The following ASS1 variants were observed in gnomAD, a reference collection of about 807,000 sequenced individuals.
The protein encoded by ASS1 is argininosuccinate synthase.
A neutral mutation model predicts 60.5 loss-of-function variants in ASS1; 58 were observed. That is an observed-to-expected ratio of 0.96 (90% confidence interval 0.78 to 1.19). The LOEUF is 1.19. Ranked by LOEUF, ASS1 falls within the 50% of genes most tolerant of loss-of-function variation. The probability of loss-of-function intolerance (pLI) is 0.00; values close to 1 mark genes in which losing one functional copy is unlikely to be tolerated. For synonymous variants in ASS1, 200 were observed against 206.9 expected (o/e 0.97, Z 0.29); for missense variants, 454 against 547.3 (o/e 0.83, Z 1.70).
chr9:130,462,733 C>T (rs1280934436), intron 4 of ASS1, among the ~76,000 whole-genome samples: 1 of 152,172 alleles, frequency 6.6e-6, no homozygotes, highest in Admixed American at 6.5e-5. Flanking sequence ...TGGGGGTCAG[C>T]AGGCAAATGT....
chr9:130,483,782 T>TTCCTCCTCCCTCTCTCCCTC, intron 11 of ASS1, among the ~76,000 whole-genome samples: 1 of 150,894 alleles, frequency 6.6e-6, no homozygotes, highest in Non-Finnish European at 1.5e-5. Context: ...CTCTCTCCCT[T>TTCCTCCTCCCTCTCTCCCTC]TCCTCCTCCC....
At chr9:130,500,345 G>A (rs1055004814) in intron 14 of ASS1, among the ~76,000 whole-genome samples, 7 of 152,322 alleles carry the variant, frequency 4.6e-5, no homozygotes, top group Admixed American at 4.6e-4. Context: ...GAGTGGTTAA[G>A]TAACTTTCCA....
In ASS1 at chr9:130,480,465, C is replaced by A; in HGVS notation, c.838+16C>A. ...AAGTCCCGAGGTGAGTCTGCTCAGC[C>A]TCCCTCAGGGCCTGCCTCGGGACCC... is the stretch of plus-strand genomic sequence containing the variant. On this transcript the variant is annotated intron_variant, in intron 11 of 14. Coordinates refer to ENST00000352480, the MANE Select transcript of ASS1 (RefSeq NM_054012.4). The A allele has an allele frequency of 6.2e-7, 1 of 1,613,632 alleles. No homozygotes were observed. The highest frequency in any genetic ancestry group is 8.5e-7 in the Non-Finnish European group (1 of 1,179,852).
At chr9:130,481,536 A>G (rs1846176057) in intron 11 of ASS1, among the ~76,000 whole-genome samples, 1 of 152,222 alleles carries the variant, frequency 6.6e-6, no homozygotes, top group Non-Finnish European at 1.5e-5. Context: ...CATGTGGGCC[A>G]GAAGAAAAGG....
rs1846682823 is a variant in ASS1, at chr9:130,499,420, T to TG, written c.1128-81dup. On this transcript the variant is annotated intron_variant, in intron 13 of 14. Coordinates refer to ENST00000352480, the MANE Select transcript of ASS1 (RefSeq NM_054012.4). ...GGGAAATGCCCTGGCATCTGGGAGG[T>TG]GGGGCTGCTTCTGGCCCCAGCAGTC... The TG allele has an allele frequency of 2.1e-6, 3 of 1,397,938 alleles. No individual in the cohort carries two copies. The Admixed American group carries it at 5.6e-5, about 26-fold the overall frequency. The allele number at this position is 1,397,938 out of a possible 1,614,324, so 86.6% of individuals were successfully genotyped here. A position where few individuals can be genotyped will look rare whatever the true frequency, so the allele number is the denominator to read the frequency against.
At chr9:130,451,672 A>T (rs1404569305) in intron 1 of ASS1, 1 of 366,508 alleles carries the variant, frequency 2.7e-6, no homozygotes, top group East Asian at 7.3e-5. Context: ...CCTGCCACTG[A>T]CCTCTCTGAG....
intron 4 of ASS1, among the ~76,000 whole-genome samples, chr9:130,462,748 G>C (rs1276470070): frequency 6.6e-6 from 1 of 152,102 alleles, no homozygotes; most frequent in Non-Finnish European, 1.5e-5. Flanking sequence ...AAATGTGGCC[G>C]CCCCCACCTC....
intron 2 of ASS1, 134 bp from the exon 3 acceptor site, chr9:130,454,171 T>A: frequency 1.1e-6 from 1 of 910,230 alleles, no homozygotes; most frequent in Non-Finnish European, 1.8e-6. Flanking sequence ...TTGTCCTTTT[T>A]CCTTCTTACT....
chr9:130,463,228 TC>T (rs1311042274), intron 4 of ASS1, among the ~76,000 whole-genome samples: 4 of 152,254 alleles, frequency 2.6e-5, no homozygotes, highest in Non-Finnish European at 5.9e-5. Context: ...TAAGTCTCCC[TC>T]TGGGCTGCCG....
intron 8 of ASS1, among the ~76,000 whole-genome samples, chr9:130,473,463 C>T (rs1845922734): frequency 6.6e-6 from 1 of 150,976 alleles, no homozygotes; most frequent in Non-Finnish European, 1.5e-5. Context: ...TGCTGAGAGG[C>T]CCGGGGCACC....
intron 14 of ASS1, 41 bp from the exon 15 acceptor site, chr9:130,500,935 T>G (rs1473587274): frequency 6.2e-7 from 1 of 1,600,814 alleles, no homozygotes; most frequent in Non-Finnish European, 8.6e-7. Context: ...GTGTTGTTAT[T>G]GTTAATTTAC....
chr9:130,487,532 C>T (rs564374120), intron 11 of ASS1, among the ~76,000 whole-genome samples: 1 of 152,054 alleles, frequency 6.6e-6, no homozygotes, highest in Non-Finnish European at 1.5e-5. Context: ...GACTACCGTC[C>T]ACCTCCAGAA....
chr9:130,480,385 G>A lies in ASS1; in HGVS notation c.774G>A (p.Ala258=), dbSNP rs756257560. Residue 258 remains alanine, a splice_region_variant and synonymous_variant, in exon 11 of 15, where the codon GCG becomes GCA. Transcript: ENST00000352480. ...CCTAATGGACCAGTTCTTCCCACAG[G>A]GGCAAGCATGGCGTGGGCCGTATTG... ...LELFMYLNEV[A]GKHGVGRIDI... 4 of 1,614,084 alleles carry A rather than the reference G, an allele frequency of 2.5e-6. No homozygotes were observed. The African/African-American group carries it at 4.0e-5, about 16-fold the overall frequency.
rs1846437183 is a variant in ASS1 at position 130,491,062 on chromosome 9, T to C, written c.970+1598T>C. 6.6e-6 allele frequency among the ~76,000 whole-genome samples: 1 copy of C among 152,158 alleles called. No individual in the cohort carries two copies. Among genetic ancestry groups the C allele is most frequent in the African/African-American group, 2.4e-5 (1 of 41,446 alleles). ...CCTCCACTCCCAGATTTTGTTTCCT[T>C]TTAAGCCTCCTAATCACTGTAACTC... On this transcript the variant is annotated intron_variant, in intron 12 of 14. Transcript: ENST00000352480. The surrounding 1 kb of genome is among the most constrained non-coding windows in gnomAD (Gnocchi z 5.3).
chr9:130,458,340 C>T, intron 3 of ASS1, 61 bp from the exon 4 acceptor site: 2 of 1,605,884 alleles, frequency 1.2e-6, no homozygotes, highest in Non-Finnish European at 1.7e-6. Flanking sequence ...CCCTGGGGCT[C>T]TGTATGCCAG....
At position 130,478,303 on chromosome 9, in the gene ASS1, G is replaced by A. The variant is rs954660421; in HGVS notation, c.688+1342G>A. On this transcript the variant is annotated intron_variant, in intron 9 of 14. Coordinates refer to ENST00000352480, the MANE Select transcript of ASS1 (RefSeq NM_054012.4). This position sits in a 1 kb window ranked among gnomAD's most constrained non-coding sequence, Gnocchi z 4.7. ...GATCATCTCTGAGAAGATGGTGGGAGTGGCCCCAGCAGCACCTCCTGGCTC... is the reference window on the plus strand; with the variant it reads ...GATCATCTCTGAGAAGATGGTGGGAATGGCCCCAGCAGCACCTCCTGGCTC... 1.3e-5 allele frequency among the ~76,000 whole-genome samples: 2 copies of A among 152,206 alleles called. No individual in the cohort carries two copies. Among genetic ancestry groups the A allele is most frequent in the African/African-American group, 4.8e-5 (2 of 41,460 alleles).
At chr9:130,448,532 G>A (rs1845251892) in intron 1 of ASS1, among the ~76,000 whole-genome samples, 1 of 152,092 alleles carries the variant, frequency 6.6e-6, no homozygotes, top group African/African-American at 2.4e-5. Context: ...CACCTGCCCA[G>A]CTACAACCTG....
In ASS1 at chr9:130,491,764, A is replaced by AGTCTTTCCTTTT. The variant is rs1273098115; in HGVS notation, c.970+2300_970+2301insGTCTTTCCTTTT. Among the ~76,000 whole-genome samples, 3 of 152,188 alleles carry AGTCTTTCCTTTT rather than the reference A, an allele frequency of 2.0e-5. No homozygotes were observed. The highest frequency in any genetic ancestry group is 2.9e-5 in the Non-Finnish European group (2 of 68,038). On this transcript the variant is annotated intron_variant, in intron 12 of 14. Transcript: ENST00000352480. This position sits in a 1 kb window ranked among gnomAD's most constrained non-coding sequence, Gnocchi z 5.3. ...TGAGGTACAATGATTAGGAGACTTA[A>AGTCTTTCCTTTT]AAGGAAACAAAATCTCAGAGTGGAG...
chr9:130,454,816 C>T (rs1845403798), intron 3 of ASS1, among the ~76,000 whole-genome samples: 5 of 137,430 alleles, frequency 3.6e-5, no homozygotes, highest in African/African-American at 1.2e-4. Context: ...CCATCACCCA[C>T]CCATCCATTC....
Sources: gnomAD v4.1 joint callset for allele counts (sites outside exome capture counted in the v4.1 genomes callset) on GRCh38, gnomAD v4.1.1 for gene constraint, Gnocchi (gnomAD v3.1) non-coding constraint, MANE v1.5 for transcripts, NCBI Gene and HGNC (gene_info 2026-07-23, HGNC 2026-07-21) for gene names.